The following TUBGCP6 variants were observed in gnomAD, a reference collection of about 807,000 sequenced individuals.
TUBGCP6 encodes the protein tubulin gamma complex component 6.
TUBGCP6 carries 161 observed loss-of-function variants against 175.8 expected under a neutral mutation model. The observed-to-expected ratio is 0.92, with a 90% CI of 0.81 to 1.04. TUBGCP6 has a LOEUF of 1.04. Among genes scored for constraint, TUBGCP6 ranks in the 50% least tolerant of loss-of-function variants. TUBGCP6 has a pLI of 0.00. For missense variants in TUBGCP6, 2,572 were observed against 2,433.0 expected (o/e 1.06, Z -1.20); for synonymous variants, 1,173 against 1,030.5 (o/e 1.14, Z -2.65).
At chr22:50,228,909 A>G (rs978780010) in intron 4 of TUBGCP6, among the ~76,000 whole-genome samples, 1 of 151,898 alleles carries the variant, frequency 6.6e-6, no homozygotes, top group South Asian at 2.1e-4. Flanking sequence ...CCACCTGCCT[A>G]TTCTCTCCCA....
intron 18 of TUBGCP6, 22 bp from the exon 19 acceptor site, chr22:50,219,478 C>T (rs779925922): frequency 1.0e-5 from 16 of 1,592,500 alleles, no homozygotes; most frequent in Admixed American, 1.8e-5. Context: ...GGAGCACGCA[C>T]GTGCTGGGAA....
At chr22:50,219,595 G>A in intron 18 of TUBGCP6, 49 bp downstream of exon 18, 11 of 1,601,690 alleles carry the variant, frequency 6.9e-6, no homozygotes, top group Non-Finnish European at 9.4e-6. Context: ...GCACGTGCTG[G>A]GAACCAGCCA....
At chr22:50,228,079 G>A (rs781649109) in intron 4 of TUBGCP6, 51 bp from the exon 5 acceptor site, 13 of 1,482,202 alleles carry the variant, frequency 8.8e-6, no homozygotes, top group African/African-American at 2.8e-5. Flanking sequence ...GGACGCAGCC[G>A]TGCCCAGGGC....
At position 50,240,341 on chromosome 22, in the gene TUBGCP6, T is replaced by G. The variant is rs2147213861; in HGVS notation, c.768A>C (p.Glu256Asp). 6.2e-7 allele frequency: 1 copy of G among 1,613,498 alleles called. No homozygotes were observed. Among genetic ancestry groups the G allele is most frequent in the Non-Finnish European group, 8.5e-7 (1 of 1,179,882 alleles). Residue 256 changes from glutamate to aspartate, a missense_variant, in exon 2 of 25, where the codon GAA (glutamate) becomes GAC (aspartate). Coordinates refer to ENST00000248846, the MANE Select transcript of TUBGCP6 (RefSeq NM_020461.4). ...TGGACGCTGACTGGAATCCTTCGTC[T>G]TCCCACTGATCCACACTCGGTGGGA... The part of the protein sequence containing the change: ...IKVPPSVDQW[E>D]DEGFQSASNL...
chr22:50,236,377 C>T (rs1299351597), intron 2 of TUBGCP6, among the ~76,000 whole-genome samples: 3 of 152,212 alleles, frequency 2.0e-5, no homozygotes, highest in South Asian at 2.1e-4. Flanking sequence ...CCTCGTGATC[C>T]GCCCACCTCA....
Position 50,243,617 on chromosome 22 carries a change from C to CAAAA in TUBGCP6, c.741+98_741+101dup, listed in dbSNP as rs375302946. The CAAAA allele has an allele frequency of 0.075, 39,357 of 526,694 alleles. 561 individuals carry two copies. The highest frequency in any genetic ancestry group is 0.12 in the South Asian group (4,116 of 33,756). 32.6% of individuals were successfully genotyped at this position (526,694 alleles called of 1,614,324 possible). A position where few individuals can be genotyped will look rare whatever the true frequency, so the allele number is the denominator to read the frequency against. ...TGGGTGACAGAGTGAGACACTGTCT[C>CAAAA]AAAAAAAAAAAAAAAAAGAAGAAGA... On this transcript the variant is annotated intron_variant, in intron 1 of 24. Coordinates refer to ENST00000248846, the MANE Select transcript of TUBGCP6 (RefSeq NM_020461.4).
chr22:50,229,318 G>T, intron 4 of TUBGCP6, 86 bp downstream of exon 4: 1 of 1,440,402 alleles, frequency 6.9e-7, no homozygotes, highest in Non-Finnish European at 9.5e-7. Context: ...CTCTGGTCCT[G>T]CAGAAGGACC....
rs926135817 is a variant in TUBGCP6 at position 50,244,841 on chromosome 22, G to A, written c.-382C>T. On this transcript the variant is annotated 5_prime_UTR_variant, in exon 1 of 25. Transcript: ENST00000248846. ...TTTGCACCCGTTCTTCGGGACCCAC[G>A]AGAGGAGACGGCCAGGAGAGGGTGC... The A allele has an allele frequency of 2.1e-5, 5 of 233,740 alleles. No homozygotes were observed. The highest frequency in any genetic ancestry group is 4.6e-5 in the African/African-American group (2 of 43,052). 14.5% of individuals were successfully genotyped at this position (233,740 alleles called of 1,614,324 possible). A position where few individuals can be genotyped will look rare whatever the true frequency, so the allele number is the denominator to read the frequency against.
rs747034329 is a variant in TUBGCP6, at chr22:50,219,281, C to T, written c.4484+7G>A. Reference sequence around the variant, plus strand: ...GGGCAGACTGGCGCAGGGGCAGGGGCACTCACTGGGCGGCCAGCGGTGCCG... The same window carrying T: ...GGGCAGACTGGCGCAGGGGCAGGGGTACTCACTGGGCGGCCAGCGGTGCCG... On this transcript the variant is annotated splice_region_variant and intron_variant, in intron 19 of 24. Transcript: ENST00000248846. The T allele has an allele frequency of 2.1e-5, 34 of 1,598,186 alleles. No individual in the cohort carries two copies. Among genetic ancestry groups the T allele is most frequent in the Middle Eastern group, 1.9e-4 (1 of 5,242 alleles).
In TUBGCP6 at chr22:50,241,860, G is replaced by C. The variant is rs369030539; in HGVS notation, c.742-1493C>G. ...CACGTGTTGGTGGTAGTGATCCCCC[G>C]GGCCCAGCTGTTTTTTCTTCTATCT... On this transcript the variant is annotated intron_variant, in intron 1 of 24. Coordinates refer to ENST00000248846, the MANE Select transcript of TUBGCP6 (RefSeq NM_020461.4). 1.2e-4 allele frequency among the ~76,000 whole-genome samples: 18 copies of C among 152,110 alleles called. No individual in the cohort carries two copies. The East Asian group carries it at 1.4e-3, about 11-fold the overall frequency.
intron 7 of TUBGCP6, 119 bp from the exon 8 acceptor site, chr22:50,226,497 T>C: frequency 4.6e-6 from 4 of 872,020 alleles, no homozygotes; most frequent in Non-Finnish European, 5.3e-6. Flanking sequence ...GGGGCGTAGC[T>C]GTGAGAGGTG....
rs544619554 is a variant in TUBGCP6 at position 50,217,833 on chromosome 22, G to A, written c.5369-6C>T. ...GTTCACCAGCTTGGTCACCACTGGGGACCAGCGAGCAGCTCAGGCTTTTGC... is the reference window on the plus strand; with the variant it reads ...GTTCACCAGCTTGGTCACCACTGGGAACCAGCGAGCAGCTCAGGCTTTTGC... On this transcript the variant is annotated splice_region_variant and splice_polypyrimidine_tract_variant and intron_variant, in intron 24 of 24. Transcript: ENST00000248846. 6 of 1,613,598 alleles carry A rather than the reference G, an allele frequency of 3.7e-6. No individual in the cohort carries two copies. The East Asian group carries it at 1.1e-4, about 30-fold the overall frequency.
At chr22:50,238,105 C>T (rs1371129306) in intron 2 of TUBGCP6, among the ~76,000 whole-genome samples, 1 of 151,300 alleles carries the variant, frequency 6.6e-6, no homozygotes, top group Non-Finnish European at 1.5e-5. Context: ...TGCACTCCAG[C>T]CTGGGCAACA....
chr22:50,218,066 G>A lies in TUBGCP6; in HGVS notation c.5220C>T (p.Ile1740=), dbSNP rs2064447290. 6.2e-7 allele frequency: 1 copy of A among 1,613,502 alleles called. No homozygotes were observed. The highest frequency in any genetic ancestry group is 8.5e-7 in the Non-Finnish European group (1 of 1,179,962). ...AAPVMNVIHS[I]FSLVLKFRSQ... ...TGCGGAACTTGAGCACGAGGCTGAAGATGCTGTGGATGACGTTCATGACGG... is the reference window on the plus strand; with the variant it reads ...TGCGGAACTTGAGCACGAGGCTGAAAATGCTGTGGATGACGTTCATGACGG... The change falls in exon 24 of 25, where the codon ATC becomes ATT. Residue 1740 remains isoleucine, a synonymous_variant. Transcript: ENST00000248846.
chr22:50,239,949 A>C (rs964343290), intron 2 of TUBGCP6, among the ~76,000 whole-genome samples: 1 of 151,794 alleles, frequency 6.6e-6, no homozygotes, highest in Non-Finnish European at 1.5e-5. Flanking sequence ...TGGCACAGGG[A>C]GGGGAGTTCT....
At chr22:50,229,354 G>A (rs376845421) in intron 4 of TUBGCP6, 50 bp downstream of exon 4, 1 of 1,588,888 alleles carries the variant, frequency 6.3e-7, no homozygotes, top group Non-Finnish European at 8.6e-7. Flanking sequence ...TCCAGGTCGT[G>A]TGCACCGTTC....
intron 4 of TUBGCP6, 113 bp downstream of exon 4, chr22:50,229,291 A>G: frequency 1.6e-6 from 2 of 1,213,700 alleles, no homozygotes; most frequent in Non-Finnish European, 2.3e-6. Context: ...TTAGCAAGGA[A>G]AGAAAAGGTT....
rs140554774 is a variant in TUBGCP6 at position 50,243,366 on chromosome 22, T to C, written c.741+353A>G. Among the ~76,000 whole-genome samples, 619 of 151,006 alleles carry C rather than the reference T, an allele frequency of 4.1e-3. 2 individuals carry two copies. Among genetic ancestry groups the C allele is most frequent in the African/African-American group, 0.014 (590 of 41,026 alleles). Reference sequence around the variant, plus strand: ...TACTCGGGAGGCTGAGGTAGGAGAATCACTTGACCCCGGGAGGCGGCGGTT... The same window carrying C: ...TACTCGGGAGGCTGAGGTAGGAGAACCACTTGACCCCGGGAGGCGGCGGTT... On this transcript the variant is annotated intron_variant, in intron 1 of 24. Transcript: ENST00000248846.
intron 13 of TUBGCP6, 30 bp from the exon 14 acceptor site, chr22:50,222,622 C>T: frequency 6.2e-7 from 1 of 1,602,846 alleles, no homozygotes. Context: ...AGGACACGGC[C>T]ACAAGAGTCA....
Sources: gnomAD v4.1 joint callset for allele counts (sites outside exome capture counted in the v4.1 genomes callset) on GRCh38, gnomAD v4.1.1 for gene constraint, MANE v1.5 for transcripts, NCBI Gene and HGNC (gene_info 2026-07-23, HGNC 2026-07-21) for gene names.